The following CASZ1 variants were observed in gnomAD, a reference collection of about 807,000 sequenced individuals.
CASZ1 encodes the protein castor zinc finger 1, also known as zinc finger protein castor homolog 1.
Under a neutral mutation model 135.2 loss-of-function variants are expected in CASZ1, and 28 were observed. The observed-to-expected ratio is 0.21, with a 90% CI of 0.15 to 0.28. The LOEUF (loss-of-function observed/expected upper bound fraction) is 0.28. CASZ1 is among the 10% of genes least tolerant of loss of function. CASZ1 has a pLI of 1.00. For synonymous variants in CASZ1, 1,068 were observed against 1,073.4 expected (o/e 0.99, Z 0.10); for missense variants, 2,161 against 2,453.3 (o/e 0.88, Z 2.52).
rs71645008 is a variant in CASZ1 at position 10,735,795 on chromosome 1, G to A, written c.-77+24906C>T. Among the ~76,000 whole-genome samples, 1,144 of 152,278 alleles carry A rather than the reference G, an allele frequency of 7.5e-3. 8 individuals are homozygous for A. Among genetic ancestry groups the A allele is most frequent in the Non-Finnish European group, 9.5e-3 (643 of 68,026 alleles). ...GACAGGCCATCAGTGCCTCGCTCTG[G>A]GCTGCACCAAGGGGACACTGGGAGT... On this transcript the variant is annotated intron_variant, in intron 2 of 20. Transcript: ENST00000377022. The surrounding 1 kb of genome is among the most constrained non-coding windows in gnomAD (Gnocchi z 5.1).
intron 4 of CASZ1, among the ~76,000 whole-genome samples, chr1:10,693,076 T>A (rs1011480356): frequency 6.6e-6 from 1 of 151,992 alleles, no homozygotes; most frequent in African/African-American, 2.4e-5. Context: ...CACCAAAATA[T>A]CAGGATAAAC....
At chr1:10,672,052 G>A (rs1411098483) in intron 4 of CASZ1, among the ~76,000 whole-genome samples, 1 of 152,180 alleles carries the variant, frequency 6.6e-6, no homozygotes, top group East Asian at 1.9e-4. Flanking sequence ...CATGGGCAAG[G>A]CAGCCCGAGG....
chr1:10,732,385 C>T (rs1373501255), intron 2 of CASZ1, among the ~76,000 whole-genome samples: 1 of 151,426 alleles, frequency 6.6e-6, no homozygotes, highest in Non-Finnish European at 1.5e-5. Flanking sequence ...TTAAGAGCCC[C>T]AATACTTTTT....
At position 10,699,970 on chromosome 1, in the gene CASZ1, G is replaced by C. The variant is rs284285; in HGVS notation, c.-24+5522C>G. Reference sequence around the variant, plus strand: ...AAGAAACAGAAGAGAAGCAGAGACAGAGAGAGAGAAAGAGAGACAGGCAGA... The same window carrying C: ...AAGAAACAGAAGAGAAGCAGAGACACAGAGAGAGAAAGAGAGACAGGCAGA... On this transcript the variant is annotated intron_variant, in intron 3 of 20. Transcript: ENST00000377022. This position sits in a 1 kb window ranked among gnomAD's most constrained non-coding sequence, Gnocchi z 4.6. Among the ~76,000 whole-genome samples the C allele has an allele frequency of 6.6e-6, 1 of 152,030 alleles. No individual in the cohort carries two copies. The highest frequency in any genetic ancestry group is 2.1e-4 in the South Asian group (1 of 4,804).
chr1:10,762,622 T>C lies in CASZ1; in HGVS notation c.-233-1765A>G, dbSNP rs545147321. ...CACTCCTACTCCAAGAATCTCCATCTGCTGGGGGTCTCCACTCCAATATCC... is the reference window on the plus strand; with the variant it reads ...CACTCCTACTCCAAGAATCTCCATCCGCTGGGGGTCTCCACTCCAATATCC... On this transcript the variant is annotated intron_variant, in intron 1 of 20. Transcript: ENST00000377022. This position sits in a 1 kb window ranked among gnomAD's most constrained non-coding sequence, Gnocchi z 4.1. Among the ~76,000 whole-genome samples the C allele has an allele frequency of 6.6e-6, 1 of 152,152 alleles. No homozygotes were observed. Among genetic ancestry groups the C allele is most frequent in the Non-Finnish European group, 1.5e-5 (1 of 68,036 alleles).
In CASZ1 at chr1:10,676,724, C is replaced by T. The variant is rs553812784; in HGVS notation, c.17-11153G>A. 3.3e-5 allele frequency among the ~76,000 whole-genome samples: 5 copies of T among 152,344 alleles called. No homozygotes were observed. Among genetic ancestry groups the T allele is most frequent in the Non-Finnish European group, 7.3e-5 (5 of 68,036 alleles). ...GGCGAGCAGCCCCACAGTTTCCTGA[C>T]GTGGACGCCTTTGCTGGTTCCTCCA... On this transcript the variant is annotated intron_variant, in intron 4 of 20. Transcript: ENST00000377022. The surrounding 1 kb of genome is among the most constrained non-coding windows in gnomAD (Gnocchi z 4.5).
In CASZ1 at chr1:10,653,797, C is replaced by T. The variant is rs139347543; in HGVS notation, c.2260G>A (p.Ala754Thr). ...GGCCCAGCCTCGGTGGCGGCAGTGG[C>T]GGCAGCCAGGGACGCAGAGGACTGC... is the stretch of plus-strand genomic sequence containing the variant. ...SQQSSASLAA[A>T]TAATEAGPSA... is the part of the protein sequence containing the mutation. The change falls in exon 11 of 21, where the codon GCC becomes ACC. Residue 754 changes from alanine (A) to threonine (T), a missense_variant. Around this residue, in one of 7 missense-constraint regions of CASZ1, gnomAD observed 406 missense variants for 387.6 expected, o/e 1.05. Transcript: ENST00000377022. 1.5e-4 allele frequency: 237 copies of T among 1,609,418 alleles called. 3 individuals carry two copies. The Admixed American group carries it at 2.5e-3, about 17-fold the overall frequency.
In CASZ1 at chr1:10,725,901, C is replaced by T. The variant is rs979365994; in HGVS notation, c.-76-20357G>A. Reference sequence around the variant, plus strand: ...CTGCCGAATGTTCTAGAAGGATGGGCCGGACTTAGGAGGGGGCAGCATCCT... The same window carrying T: ...CTGCCGAATGTTCTAGAAGGATGGGTCGGACTTAGGAGGGGGCAGCATCCT... On this transcript the variant is annotated intron_variant, in intron 2 of 20. Coordinates refer to ENST00000377022, the MANE Select transcript of CASZ1 (RefSeq NM_001079843.3). This position sits in a 1 kb window ranked among gnomAD's most constrained non-coding sequence, Gnocchi z 4.4. Among the ~76,000 whole-genome samples the T allele has an allele frequency of 6.6e-6, 1 of 152,042 alleles. No homozygotes were observed. Among genetic ancestry groups the T allele is most frequent in the Admixed American group, 6.5e-5 (1 of 15,276 alleles).
Position 10,701,395 on chromosome 1 carries a change from A to C in CASZ1, c.-24+4097T>G, listed in dbSNP as rs781563956. ...GCTTCTCCTGATGCTGACAATCACA[A>C]ACTTTAATTCGCTGCCTGGCTTCTC... On this transcript the variant is annotated intron_variant, in intron 3 of 20. Coordinates refer to ENST00000377022, the MANE Select transcript of CASZ1 (RefSeq NM_001079843.3). The surrounding 1 kb of genome is among the most constrained non-coding windows in gnomAD (Gnocchi z 6.3). Among the ~76,000 whole-genome samples, 2 of 152,204 alleles carry C rather than the reference A, an allele frequency of 1.3e-5. No homozygotes were observed. Among genetic ancestry groups the C allele is most frequent in the Non-Finnish European group, 2.9e-5 (2 of 68,038 alleles).
At chr1:10,743,532 A>G (rs1172596528) in intron 2 of CASZ1, among the ~76,000 whole-genome samples, 1 of 151,518 alleles carries the variant, frequency 6.6e-6, no homozygotes, top group Non-Finnish European at 1.5e-5. Context: ...GGGAGCTGAG[A>G]ACAAACAGCG....
At position 10,647,607 on chromosome 1, in the gene CASZ1, G is replaced by C. The variant is rs1395389036; in HGVS notation, c.3497+194C>G. 2 of 1,445,526 alleles carry C rather than the reference G, an allele frequency of 1.4e-6. No homozygotes were observed. The highest frequency in any genetic ancestry group is 1.8e-6 in the Non-Finnish European group (2 of 1,102,518). 89.5% of individuals were successfully genotyped at this position (1,445,526 alleles called of 1,614,324 possible). A position where few individuals can be genotyped will look rare whatever the true frequency, so the allele number is the denominator to read the frequency against. On this transcript the variant is annotated intron_variant, in intron 16 of 20. Transcript: ENST00000377022. This position sits in a 1 kb window ranked among gnomAD's most constrained non-coding sequence, Gnocchi z 4.9. ...ACCATCGGCCCACGCGGGCTGGCCT[G>C]CTCTGGGACAGGCAGTGAGGTAGGA...
rs1188558099 is a variant in CASZ1, at chr1:10,665,065, C to T, written c.505+18G>A. The T allele has an allele frequency of 4.0e-6, 6 of 1,497,906 alleles. No individual in the cohort carries two copies. Among genetic ancestry groups the T allele is most frequent in the Admixed American group, 2.4e-5 (1 of 41,358 alleles). The allele number at this position is 1,497,906 out of a possible 1,614,324, so 92.8% of individuals were successfully genotyped here. The stretch of plus-strand genomic sequence containing the variant: ...CCTGTCCTGGCCTTCAGCCTCCCTT[C>T]GAAGGCCAGGCACCCACCTGAAGCC... On this transcript the variant is annotated intron_variant, in intron 5 of 20. Coordinates refer to ENST00000377022, the MANE Select transcript of CASZ1 (RefSeq NM_001079843.3).
At position 10,665,561 on chromosome 1, in the gene CASZ1, G is replaced by C; in HGVS notation, c.27C>G (p.Thr9=). The C allele has an allele frequency of 6.4e-7, 1 of 1,561,698 alleles. No individual in the cohort carries two copies. Among genetic ancestry groups the C allele is most frequent in the Non-Finnish European group, 8.6e-7 (1 of 1,159,690 alleles). Residue 9 remains threonine (T), a synonymous_variant, in exon 5 of 21, where the codon ACC becomes ACG. Coordinates refer to ENST00000377022, the MANE Select transcript of CASZ1 (RefSeq NM_001079843.3). The part of the protein sequence containing the change: MDLGTAEG[T]RCTDPPAGKP... ...TGCCTGCAGGCGGGTCCGTGCACCG[G>C]GTGCCCTCAGCTGCAGGGATGGAGG...
intron 2 of CASZ1, among the ~76,000 whole-genome samples, chr1:10,748,615 CCT>C (rs1449253553): frequency 6.6e-6 from 1 of 152,174 alleles, no homozygotes; most frequent in African/African-American, 2.4e-5. Flanking sequence ...CTCCATGGTA[CCT>C]CTTTCTCGCA....
At position 10,755,466 on chromosome 1, in the gene CASZ1, G is replaced by A. The variant is rs142092925; in HGVS notation, c.-77+5235C>T. 1.6e-3 allele frequency among the ~76,000 whole-genome samples: 241 copies of A among 152,218 alleles called. No individual in the cohort carries two copies. The highest frequency in any genetic ancestry group is 5.5e-3 in the African/African-American group (230 of 41,530). On this transcript the variant is annotated intron_variant, in intron 2 of 20. Transcript: ENST00000377022. This position sits in a 1 kb window ranked among gnomAD's most constrained non-coding sequence, Gnocchi z 4.3. ...CTTCTCTCTTCGTCCACCACACCGC[G>A]TCAACCCTCCCAAATCCACGGGTTG... is the stretch of plus-strand genomic sequence containing the variant.
chr1:10,671,301 G>A (rs1357968577), intron 4 of CASZ1, among the ~76,000 whole-genome samples: 2 of 152,196 alleles, frequency 1.3e-5, no homozygotes, highest in Non-Finnish European at 2.9e-5. Flanking sequence ...GAGCAAACGC[G>A]CACAGACCGC....
At chr1:10,795,159 CCCCCTG>C (rs1449996894) in intron 1 of CASZ1, among the ~76,000 whole-genome samples, 2 of 151,208 alleles carry the variant, frequency 1.3e-5, no homozygotes, top group African/African-American at 4.9e-5. Flanking sequence ...CACGAATCGG[CCCCCTG>C]CCCCGGGAGA....
chr1:10,693,424 A>G (rs1019473933), intron 4 of CASZ1, among the ~76,000 whole-genome samples: 1 of 150,206 alleles, frequency 6.7e-6, no homozygotes, highest in East Asian at 2.0e-4. Flanking sequence ...GCTTTCAAAA[A>G]CTAAACCACC....
chr1:10,639,143 C>A lies in CASZ1; in HGVS notation c.5079G>T (p.Glu1693Asp). Reference sequence around the variant, plus strand: ...CGTCGTCCTCGTCGTCGTCCTCGTCCTCGTCGTCTTCGGCCTCCTCCTCCG... The same window carrying A: ...CGTCGTCCTCGTCGTCGTCCTCGTCATCGTCGTCTTCGGCCTCCTCCTCCG... ...ELPEEEAEDDEDEDDDEDDDD... is the reference protein window; with the variant it reads ...ELPEEEAEDDDDEDDDEDDDD... Residue 1693 changes from glutamate (E) to aspartate (D), a missense_variant, in exon 21 of 21, where the codon GAG becomes GAT. By Grantham distance (45) the Glu-to-Asp change is conservative. This residue lies in a region of CASZ1 where 185 missense variants were observed against 134.7 expected (regional missense o/e 1.37). Transcript: ENST00000377022. This position sits in a 1 kb window ranked among gnomAD's most constrained non-coding sequence, Gnocchi z 4.0. 9.0e-7 allele frequency: 1 copy of A among 1,112,318 alleles called. No homozygotes were observed. The highest frequency in any genetic ancestry group is 1.1e-6 in the Non-Finnish European group (1 of 895,354). The allele number at this position is 1,112,318 out of a possible 1,614,324, so 68.9% of individuals were successfully genotyped here.
Sources: gnomAD v4.1 joint callset for allele counts (sites outside exome capture counted in the v4.1 genomes callset) on GRCh38, gnomAD v4.1.1 for gene constraint, gnomAD v4.1.1 regional missense constraint, Gnocchi (gnomAD v3.1) non-coding constraint, MANE v1.5 for transcripts, NCBI Gene and HGNC (gene_info 2026-07-23, HGNC 2026-07-21) for gene names.